CREB1: variants seen among roughly 807,000 people sequenced by gnomAD.
CREB1 encodes the protein cyclic AMP-responsive element-binding protein 1.
Under a neutral mutation model 42.0 loss-of-function variants are expected in CREB1, and 2 were observed. That is an observed-to-expected ratio of 0.05 (90% CI 0.02 to 0.15). The LOEUF (loss-of-function observed/expected upper bound fraction) is 0.15, where lower values mean the gene tolerates loss of function less well. CREB1 is among the 10% of genes least tolerant of loss of function. The pLI, the probability that CREB1 is intolerant of heterozygous loss-of-function variation, is 1.00. For missense variants in CREB1, 199 were observed against 388.9 expected (o/e 0.51, Z 4.11); for synonymous variants, 123 against 139.9 (o/e 0.88, Z 0.85).
chr2:207,576,241 C>CTTTTTTTTTTTTTTTTTTG (rs35735523), intron 6 of CREB1, among the ~76,000 whole-genome samples: 127 of 101,028 alleles, frequency 1.3e-3, no homozygotes, highest in Middle Eastern at 0.014. Context: ...CTTTTTTTGG[C>CTTTTTTTTTTTTTTTTTTG]TTTTTTTTTT....
At chr2:207,553,630 C>T (rs1478195431) in intron 1 of CREB1, among the ~76,000 whole-genome samples, 1 of 152,104 alleles carries the variant, frequency 6.6e-6, no homozygotes, top group Non-Finnish European at 1.5e-5. Context: ...TTGTATGCAT[C>T]TCAAAATCAT....
Position 207,603,127 on chromosome 2 carries a change from A to G in CREB1, c.*6069A>G, listed in dbSNP as rs1417479574. The G allele has an allele frequency of 4.7e-6, 1 of 211,132 alleles. No homozygotes were observed. The allele number at this position is 211,132 out of a possible 1,614,324, so 13.1% of individuals were successfully genotyped here. On this transcript the variant is annotated 3_prime_UTR_variant, in exon 8 of 8. Transcript: ENST00000353267. Reference sequence around the variant, plus strand: ...CTATAATGAGGGAAATACATTTCTAATAAAATTCCCTACATTCTAGAAACA... The same window carrying G: ...CTATAATGAGGGAAATACATTTCTAGTAAAATTCCCTACATTCTAGAAACA...
rs565995912 is a variant in CREB1, at chr2:207,594,592, T to G, written c.840-2322T>G. Among the ~76,000 whole-genome samples, 3 of 152,328 alleles carry G rather than the reference T, an allele frequency of 2.0e-5. No individual in the cohort carries two copies. In the South Asian group the frequency reaches 6.2e-4, roughly 32 times the overall value. ...ATATTAATATTACATTGTATGTATA[T>G]ACCACATTTTGCTTACCACTCATCT... On this transcript the variant is annotated intron_variant, in intron 7 of 7. Coordinates refer to ENST00000353267, the MANE Select transcript of CREB1 (RefSeq NM_004379.5).
chr2:207,553,656 T>G (rs1448424111), intron 1 of CREB1, among the ~76,000 whole-genome samples: 1 of 152,200 alleles, frequency 6.6e-6, no homozygotes, highest in Non-Finnish European at 1.5e-5. Flanking sequence ...AAGTATAGTT[T>G]TGGCTTATTA....
At chr2:207,534,534 G>A (rs1016277620) in intron 1 of CREB1, 2 of 152,182 alleles carry the variant, frequency 1.3e-5, no homozygotes, top group Non-Finnish European at 2.9e-5. Context: ...ATTACTATAT[G>A]TAATACAGTG....
intron 6 of CREB1, chr2:207,577,194 A>G (rs1412246131): frequency 1.8e-6 from 2 of 1,100,258 alleles, no homozygotes; most frequent in African/African-American, 3.3e-5. Flanking sequence ...AGATCATCCA[A>G]GCTGTGCCCC....
intron 1 of CREB1, among the ~76,000 whole-genome samples, chr2:207,538,632 T>C (rs943217333): frequency 4.6e-5 from 7 of 152,114 alleles, no homozygotes; most frequent in African/African-American, 9.7e-5. Context: ...GTGAGTTTTT[T>C]CTGAAAGAAG....
rs1575077224 is a variant in CREB1, at chr2:207,603,300, G to A, written c.*6242G>A. The A allele has an allele frequency of 1.3e-5, 3 of 223,044 alleles. No individual in the cohort carries two copies. The highest frequency in any genetic ancestry group is 2.7e-5 in the Non-Finnish European group (3 of 111,672). 13.8% of individuals were successfully genotyped at this position (223,044 alleles called of 1,614,324 possible). A position where few individuals can be genotyped will look rare whatever the true frequency, so the allele number is the denominator to read the frequency against. ...TAGCAGTTGCTTTGTATATTAAAGTGATCCTTGTGAATTTGTGAAATATTG... is the reference window on the plus strand; with the variant it reads ...TAGCAGTTGCTTTGTATATTAAAGTAATCCTTGTGAATTTGTGAAATATTG... On this transcript the variant is annotated 3_prime_UTR_variant, in exon 8 of 8. Transcript: ENST00000353267.
rs563533944 is a variant in CREB1 at position 207,602,819 on chromosome 2, G to C, written c.*5761G>C. On this transcript the variant is annotated 3_prime_UTR_variant, in exon 8 of 8. Coordinates refer to ENST00000353267, the MANE Select transcript of CREB1 (RefSeq NM_004379.5). ...TAGATTTATTAGGGGTGGCAAAGAA[G>C]AGTGCTAGTTAGCAGTTTTCCATGT... The C allele has an allele frequency of 4.6e-6, 1 of 218,528 alleles. No individual in the cohort carries two copies. Among genetic ancestry groups the C allele is most frequent in the South Asian group, 1.9e-4 (1 of 5,384 alleles). The allele number at this position is 218,528 out of a possible 1,614,324, so 13.5% of individuals were successfully genotyped here. A position where few individuals can be genotyped will look rare whatever the true frequency, so the allele number is the denominator to read the frequency against.
At chr2:207,587,443 A>G (rs1157796829) in intron 7 of CREB1, among the ~76,000 whole-genome samples, 2 of 151,878 alleles carry the variant, frequency 1.3e-5, no homozygotes, top group Non-Finnish European at 2.9e-5. Context: ...TAAAAGAACC[A>G]CTATATGATC....
intron 7 of CREB1, among the ~76,000 whole-genome samples, chr2:207,587,892 G>A (rs918404005): frequency 6.6e-6 from 1 of 152,144 alleles, no homozygotes; most frequent in Non-Finnish European, 1.5e-5. Context: ...GCACCATAGG[G>A]TGAATATGGT....
At chr2:207,569,815 G>A (rs529170247) in intron 4 of CREB1, among the ~76,000 whole-genome samples, 7 of 151,912 alleles carry the variant, frequency 4.6e-5, no homozygotes, top group South Asian at 2.1e-4. Flanking sequence ...AGGCCAAGGC[G>A]GGTGGATCAC....
chr2:207,580,251 T>G, intron 7 of CREB1, among the ~76,000 whole-genome samples: 1 of 152,154 alleles, frequency 6.6e-6, no homozygotes. Flanking sequence ...CCTGTAAACA[T>G]GCTACTTCAC....
chr2:207,557,090 A>G (rs2106462338), intron 2 of CREB1, among the ~76,000 whole-genome samples: 1 of 151,986 alleles, frequency 6.6e-6, no homozygotes, highest in Middle Eastern at 3.4e-3. Flanking sequence ...GTGAACTGAG[A>G]TTGCGCCACT....
chr2:207,581,940 GTGTTTTCTATGGA>G (rs1404025598), intron 7 of CREB1: 1 of 702,850 alleles, frequency 1.4e-6, no homozygotes, highest in Non-Finnish European at 2.6e-6. Flanking sequence ...CATTTGTCCA[GTGTTTTCTATGGA>G]TAGATTGAGA....
At position 207,597,748 on chromosome 2, in the gene CREB1, T is replaced by C. The variant is rs1179019847; in HGVS notation, c.*690T>C. 4.9e-6 allele frequency: 1 copy of C among 203,156 alleles called. No individual in the cohort carries two copies. Among genetic ancestry groups the C allele is most frequent in the Non-Finnish European group, 1.0e-5 (1 of 99,056 alleles). 12.6% of individuals were successfully genotyped at this position (203,156 alleles called of 1,614,324 possible). On this transcript the variant is annotated 3_prime_UTR_variant, in exon 8 of 8. Coordinates refer to ENST00000353267, the MANE Select transcript of CREB1 (RefSeq NM_004379.5). ...TGTTGCTTCTTAATTCAGTTCTGTA[T>C]GTGTTCAACATTTTTGAATACATTA...
Position 207,599,411 on chromosome 2 carries a change from CTA to C in CREB1, c.*2354_*2355del, listed in dbSNP as rs1468419273. ...CCTGATGTTTAGCAGTTTGTATTCT[CTA>C]AAGCTTTTTTTCAAAAGTTCAGGCT... On this transcript the variant is annotated 3_prime_UTR_variant, in exon 8 of 8. Transcript: ENST00000353267. 1.5e-5 allele frequency: 3 copies of C among 203,310 alleles called. No individual in the cohort carries two copies. Among genetic ancestry groups the C allele is most frequent in the Non-Finnish European group, 3.0e-5 (3 of 99,200 alleles). 12.6% of individuals were successfully genotyped at this position (203,310 alleles called of 1,614,324 possible).
intron 7 of CREB1, among the ~76,000 whole-genome samples, chr2:207,590,086 T>TTTG (rs1321831099): frequency 5.8e-4 from 55 of 94,960 alleles, no homozygotes; most frequent in African/African-American, 1.6e-3. Context: ...TTGAGAAGTT[T>TTTG]TTTTTTTTTT....
chr2:207,555,353 T>C (rs1049124595), intron 1 of CREB1, among the ~76,000 whole-genome samples: 12 of 152,190 alleles, frequency 7.9e-5, no homozygotes, highest in Admixed American at 4.6e-4. Flanking sequence ...GAGAAGAATC[T>C]TTTATTTCTA....
Sources: allele counts gnomAD v4.1 joint callset (sites outside exome capture counted in the v4.1 genomes callset), GRCh38; gene constraint gnomAD v4.1.1; transcripts MANE v1.5; gene names NCBI Gene and HGNC (gene_info 2026-07-23, HGNC 2026-07-21).